MPP7: variants seen among roughly 807,000 people sequenced by gnomAD.
MPP7 encodes the protein MAGUK p55 scaffold protein 7.
Under a neutral mutation model 76.5 loss-of-function variants are expected in MPP7, and 60 were observed. The ratio of observed to expected loss-of-function variants is 0.78; its 90% CI spans 0.64 to 0.97. MPP7 has a LOEUF of 0.97. MPP7 is among the 50% of genes least tolerant of loss of function. The probability of loss-of-function intolerance (pLI) is 0.00; values close to 1 mark genes in which losing one functional copy is unlikely to be tolerated. For synonymous variants in MPP7, 237 were observed against 244.5 expected (o/e 0.97, Z 0.29); for missense variants, 641 against 694.0 (o/e 0.92, Z 0.86).
intron 11 of MPP7, chr10:28,118,379 A>C: frequency 2.0e-6 from 2 of 981,320 alleles, no homozygotes; most frequent in Non-Finnish European, 2.4e-6. Context: ...TAGGACTGAA[A>C]AAGAGTTGAG....
In MPP7 at chr10:28,052,811, A is replaced by G. The variant is rs1028522692; in HGVS notation, c.*1254T>C. Reference sequence around the variant, plus strand: ...TTTTTTTCCACTTTGAAAGTCACAGATGCAATGATTTTCGACGGGCAGGGC... The same window carrying G: ...TTTTTTTCCACTTTGAAAGTCACAGGTGCAATGATTTTCGACGGGCAGGGC... On this transcript the variant is annotated 3_prime_UTR_variant, in exon 17 of 17. Transcript: ENST00000683449. 1 of 152,164 alleles carries G rather than the reference A, an allele frequency of 6.6e-6. No homozygotes were observed. The highest frequency in any genetic ancestry group is 2.4e-5 in the African/African-American group (1 of 41,432). The allele number at this position is 152,164 out of a possible 1,614,324, so 9.4% of individuals were successfully genotyped here. A position where few individuals can be genotyped will look rare whatever the true frequency, so the allele number is the denominator to read the frequency against.
intron 3 of MPP7, among the ~76,000 whole-genome samples, chr10:28,177,894 T>G (rs1836929788): frequency 6.6e-6 from 1 of 152,080 alleles, no homozygotes; most frequent in African/African-American, 2.4e-5. Context: ...GAGGGGCTCC[T>G]TTCCCTTGGC....
At chr10:28,124,145 C>T in intron 7 of MPP7, 29 bp from the exon 8 acceptor site, 1 of 1,442,274 alleles carries the variant, frequency 6.9e-7, no homozygotes. Flanking sequence ...GGTAAATTAG[C>T]AGTGTTACCC....
intron 1 of MPP7, among the ~76,000 whole-genome samples, chr10:28,242,991 G>A (rs1307339671): frequency 6.6e-6 from 1 of 152,112 alleles, no homozygotes; most frequent in Non-Finnish European, 1.5e-5. Context: ...AGTAACTGCT[G>A]CTATAAACAA....
In MPP7 at chr10:28,224,820, C is replaced by T. The variant is rs978812618; in HGVS notation, c.37+13748G>A. 5.9e-5 allele frequency among the ~76,000 whole-genome samples: 9 copies of T among 151,926 alleles called. No homozygotes were observed. The East Asian group carries it at 1.2e-3, about 20-fold the overall frequency. On this transcript the variant is annotated intron_variant, in intron 2 of 16. Coordinates refer to ENST00000683449, the MANE Select transcript of MPP7 (RefSeq NM_001318170.2). Reference sequence around the variant, plus strand: ...TGCATTTAGGTAACCAAAAAATAAACGACCAAAACATGACCATAAGAATTA... The same window carrying T: ...TGCATTTAGGTAACCAAAAAATAAATGACCAAAACATGACCATAAGAATTA...
At chr10:28,212,151 C>T (rs1838159459) in intron 2 of MPP7, among the ~76,000 whole-genome samples, 1 of 151,948 alleles carries the variant, frequency 6.6e-6, no homozygotes, top group African/African-American at 2.4e-5. Flanking sequence ...GAATGCATCA[C>T]TCTGGCTGCT....
chr10:28,324,705 A>G (rs1326251685), intron 2 of MPP7, among the ~76,000 whole-genome samples: 1 of 152,252 alleles, frequency 6.6e-6, no homozygotes, highest in Non-Finnish European at 1.5e-5. Context: ...TAACAATGCC[A>G]TGACTTTGAA....
intron 3 of MPP7, among the ~76,000 whole-genome samples, chr10:28,155,457 G>A (rs1428672045): frequency 2.0e-5 from 3 of 151,954 alleles, no homozygotes; most frequent in Non-Finnish European, 4.4e-5. Flanking sequence ...AGGCATGGTA[G>A]TGTACACCTG....
intron 11 of MPP7, chr10:28,118,309 C>G (rs1588797453): frequency 1.0e-6 from 1 of 979,548 alleles, no homozygotes; most frequent in Non-Finnish European, 1.2e-6. Flanking sequence ...ATACACTTAT[C>G]AAAAATTTTC....
intron 5 of MPP7, among the ~76,000 whole-genome samples, chr10:28,138,515 A>G (rs1290449237): frequency 1.3e-5 from 2 of 152,190 alleles, no homozygotes; most frequent in Non-Finnish European, 1.5e-5. Context: ...TGTAGACATT[A>G]TTGACTAATA....
At chr10:28,079,823 A>C (rs1852675488) in intron 12 of MPP7, among the ~76,000 whole-genome samples, 1 of 152,126 alleles carries the variant, frequency 6.6e-6, no homozygotes, top group Non-Finnish European at 1.5e-5. Context: ...ACATGTGTAT[A>C]TTTTAAATGA....
At chr10:28,202,396 C>G (rs1837806386) in intron 2 of MPP7, 125 bp from the exon 3 acceptor site, 4 of 618,366 alleles carry the variant, frequency 6.5e-6, no homozygotes, top group Non-Finnish European at 8.3e-6. Context: ...GGCCATCAAG[C>G]TAAACACTTC....
intron 1 of MPP7, among the ~76,000 whole-genome samples, chr10:28,264,395 T>G (rs1564743192): frequency 6.6e-6 from 1 of 151,562 alleles, no homozygotes; most frequent in African/African-American, 2.4e-5. Context: ...TAAGGAAAAA[T>G]GCAAGAAATC....
chr10:28,292,477 T>C (rs966237128), intron 1 of MPP7, among the ~76,000 whole-genome samples: 2 of 151,996 alleles, frequency 1.3e-5, no homozygotes, highest in Non-Finnish European at 1.5e-5. Flanking sequence ...CTGACCTCCA[T>C]TGAATAAAAC....
intron 2 of MPP7, among the ~76,000 whole-genome samples, chr10:28,225,689 T>C (rs1416764304): frequency 1.3e-5 from 2 of 152,122 alleles, no homozygotes; most frequent in East Asian, 3.8e-4. Flanking sequence ...TGGGAAGAAA[T>C]TGGAACCCTC....
intron 11 of MPP7, among the ~76,000 whole-genome samples, chr10:28,101,811 G>A (rs911746354): frequency 1.1e-4 from 16 of 151,662 alleles, no homozygotes; most frequent in Admixed American, 3.3e-4. Context: ...ACTGCAGTAG[G>A]AAAAAGGAGA....
chr10:28,239,409 AG>A (rs1461494291), intron 1 of MPP7, among the ~76,000 whole-genome samples: 3 of 151,980 alleles, frequency 2.0e-5, no homozygotes, highest in African/African-American at 7.2e-5. Context: ...GGCCTCTCAA[AG>A]TGCTGGGATT....
intron 3 of MPP7, among the ~76,000 whole-genome samples, chr10:28,156,848 T>C (rs1050474993): frequency 2.6e-5 from 4 of 152,142 alleles, no homozygotes; most frequent in African/African-American, 9.7e-5. Context: ...GTTCTATCTT[T>C]GGTGAGAAGA....
intron 1 of MPP7, among the ~76,000 whole-genome samples, chr10:28,297,039 GA>G (rs1841051495): frequency 6.6e-6 from 1 of 152,270 alleles, no homozygotes; most frequent in South Asian, 2.1e-4. Context: ...AACACAGGAA[GA>G]ATCAGAGGGT....
Sources: gnomAD v4.1 joint callset for allele counts (sites outside exome capture counted in the v4.1 genomes callset) on GRCh38, gnomAD v4.1.1 for gene constraint, MANE v1.5 for transcripts, NCBI Gene and HGNC (gene_info 2026-07-23, HGNC 2026-07-21) for gene names.